COLGALT2: variants seen among roughly 807,000 people sequenced by gnomAD.
COLGALT2 encodes procollagen galactosyltransferase 2.
A neutral mutation model predicts 73.4 loss-of-function variants in COLGALT2; 49 were observed. That is an observed-to-expected ratio of 0.67 (90% CI 0.53 to 0.85). The LOEUF is 0.85. COLGALT2 is among the 40% of genes least tolerant of loss of function. The pLI is 0.00. For missense variants in COLGALT2, 722 were observed against 790.2 expected (o/e 0.91, Z 1.03); for synonymous variants, 295 against 307.6 (o/e 0.96, Z 0.43).
chr1:183,930,060 TAGACC>T (rs1669806877), exon 12 of COLGALT2: 1 of 350,246 alleles, frequency 2.9e-6, no homozygotes, highest in Non-Finnish European at 5.7e-6. Context: ...CCAACTGCCT[TAGACC>T]AAAGCGACAC....
chr1:184,012,684 A>C (rs1158524573), intron 1 of COLGALT2, among the ~76,000 whole-genome samples: 1 of 152,218 alleles, frequency 6.6e-6, no homozygotes, highest in African/African-American at 2.4e-5. Flanking sequence ...CACAGAAGAG[A>C]ATCCCAATTT....
chr1:183,966,103 G>A (rs375336168), intron 5 of COLGALT2, among the ~76,000 whole-genome samples: 4 of 152,332 alleles, frequency 2.6e-5, no homozygotes, highest in South Asian at 2.1e-4. Flanking sequence ...GGACAGAAGT[G>A]ATGCAGGGTG....
chr1:184,002,430 C>T (rs1671956228), intron 1 of COLGALT2, among the ~76,000 whole-genome samples: 1 of 152,140 alleles, frequency 6.6e-6, no homozygotes. Flanking sequence ...GAAGAAACAG[C>T]AAAGGGGATT....
intron 6 of COLGALT2, among the ~76,000 whole-genome samples, chr1:183,955,961 C>T (rs1459172859): frequency 1.3e-5 from 2 of 152,156 alleles, no homozygotes; most frequent in Non-Finnish European, 2.9e-5. Flanking sequence ...AGGGCTCCCC[C>T]GACACTGCCC....
intron 1 of COLGALT2, among the ~76,000 whole-genome samples, chr1:183,984,247 A>C (rs887663011): frequency 2.0e-5 from 3 of 152,238 alleles, no homozygotes; most frequent in African/African-American, 7.2e-5. Context: ...TCTACTAAAA[A>C]TACAAAAATT....
rs869129633 is a variant in COLGALT2 at position 183,994,026 on chromosome 1, C to CTTT, written c.264-15509_264-15507dup. Among the ~76,000 whole-genome samples the CTTT allele has an allele frequency of 1.6e-3, 113 of 70,046 alleles. 1 individual carries two copies. The highest frequency in any genetic ancestry group is 1.9e-3 in the Non-Finnish European group (71 of 37,158). The allele number at this position is 70,046 out of a possible 152,430, so 46.0% of individuals were successfully genotyped here. A position where few individuals can be genotyped will look rare whatever the true frequency, so the allele number is the denominator to read the frequency against. On this transcript the variant is annotated intron_variant, in intron 1 of 11. Coordinates refer to ENST00000361927, the MANE Select transcript of COLGALT2 (RefSeq NM_015101.4). ...GTCACACTCATTTTCTCTTGTAATT[C>CTTT]TTTTTTTTTTTTTTTTTTTTTTTTT...
intron 1 of COLGALT2, among the ~76,000 whole-genome samples, chr1:184,035,863 CGTATGGCAGG>C (rs564817526): frequency 3.3e-5 from 5 of 152,326 alleles, no homozygotes; most frequent in African/African-American, 1.2e-4. Context: ...CAGGCGGTCA[CGTATGGCAGG>C]GTATATAGTA....
At chr1:183,990,680 G>T (rs1671606778) in intron 1 of COLGALT2, among the ~76,000 whole-genome samples, 1 of 152,206 alleles carries the variant, frequency 6.6e-6, no homozygotes, top group South Asian at 2.1e-4. Flanking sequence ...AAAGAAGAAT[G>T]TTCCAGAAAA....
At chr1:183,958,934 G>C (rs1050499112) in intron 6 of COLGALT2, among the ~76,000 whole-genome samples, 1 of 151,412 alleles carries the variant, frequency 6.6e-6, no homozygotes, top group Non-Finnish European at 1.5e-5. Flanking sequence ...AGCCTCCATC[G>C]GATTTCTCCA....
rs141659450 is a variant in COLGALT2, at chr1:184,013,133, G to A, written c.263+23962C>T. Reference sequence around the variant, plus strand: ...AGTTCAAGACCAGCTTGGCCACCATGGTGAAACCTCATCTGTACTAAAAAT... The same window carrying A: ...AGTTCAAGACCAGCTTGGCCACCATAGTGAAACCTCATCTGTACTAAAAAT... On this transcript the variant is annotated intron_variant, in intron 1 of 11. Coordinates refer to ENST00000361927, the MANE Select transcript of COLGALT2 (RefSeq NM_015101.4). Among the ~76,000 whole-genome samples the A allele has an allele frequency of 2.6e-5, 4 of 152,318 alleles. No homozygotes were observed. The East Asian group carries it at 7.7e-4, about 29-fold the overall frequency.
intron 1 of COLGALT2, among the ~76,000 whole-genome samples, chr1:184,031,820 C>CTTCCTTCT (rs1407494518): frequency 2.4e-5 from 3 of 123,444 alleles, no homozygotes; most frequent in African/African-American, 1.3e-4. Flanking sequence ...TGAATGTATC[C>CTTCCTTCT]TTCCTTCCTT....
intron 3 of COLGALT2, among the ~76,000 whole-genome samples, chr1:183,974,757 T>A (rs1409191974): frequency 6.6e-6 from 1 of 152,202 alleles, no homozygotes; most frequent in Non-Finnish European, 1.5e-5. Flanking sequence ...ATCCCCCAAA[T>A]TCTTCCAAAA....
At chr1:183,976,310 T>C (rs1671187387) in intron 2 of COLGALT2, among the ~76,000 whole-genome samples, 1 of 150,176 alleles carries the variant, frequency 6.7e-6, no homozygotes, top group Non-Finnish European at 1.5e-5. Flanking sequence ...TTGCTTGATA[T>C]ACAGTCCATG....
At chr1:183,985,046 A>G (rs1016002277) in intron 1 of COLGALT2, among the ~76,000 whole-genome samples, 4 of 152,218 alleles carry the variant, frequency 2.6e-5, no homozygotes, top group Non-Finnish European at 4.4e-5. Context: ...AAAAACATTG[A>G]CATTTCTCCT....
chr1:183,929,915 G>T (rs1190048416), exon 12 of COLGALT2: 1 of 241,878 alleles, frequency 4.1e-6, no homozygotes, highest in Non-Finnish European at 8.4e-6. Context: ...TGCAAGCCAG[G>T]AAACTCCTTA....
At chr1:184,033,395 T>A (rs1649575299) in intron 1 of COLGALT2, among the ~76,000 whole-genome samples, 1 of 152,166 alleles carries the variant, frequency 6.6e-6, no homozygotes, top group Non-Finnish European at 1.5e-5. Flanking sequence ...TATTCCCAAT[T>A]CCCTAAAACT....
intron 10 of COLGALT2, among the ~76,000 whole-genome samples, chr1:183,942,329 T>A (rs943405): frequency 0.17 from 25,087 of 151,858 alleles, 2,275 homozygotes; most frequent in Admixed American, 0.25. Flanking sequence ...TTTTGAAGAG[T>A]TGGTACAAAA....
chr1:183,973,941 T>C (rs1358640722), intron 3 of COLGALT2, among the ~76,000 whole-genome samples, 191 bp from the exon 4 acceptor site: 1 of 152,204 alleles, frequency 6.6e-6, no homozygotes, highest in Non-Finnish European at 1.5e-5. Context: ...AGTCTAACTT[T>C]CGTATGTTGG....
At chr1:184,034,969 AC>A in intron 1 of COLGALT2, among the ~76,000 whole-genome samples, 1 of 152,342 alleles carries the variant, frequency 6.6e-6, no homozygotes, top group South Asian at 2.1e-4. Context: ...TATTATTGTT[AC>A]CTAAAGAATT....
Sources: allele counts gnomAD v4.1 joint callset (sites outside exome capture counted in the v4.1 genomes callset), GRCh38; gene constraint gnomAD v4.1.1; transcripts MANE v1.5; gene names NCBI Gene and HGNC (gene_info 2026-07-23, HGNC 2026-07-21).